Variants in KIAA1217 observed in about 807,000 individuals in gnomAD.
KIAA1217 encodes KIAA1217.
Under a neutral mutation model 163.9 loss-of-function variants are expected in KIAA1217, and 88 were observed. That is an observed-to-expected ratio of 0.54 (90% CI 0.45 to 0.64). KIAA1217 has a LOEUF of 0.64. Among genes scored for constraint, KIAA1217 ranks in the 30% least tolerant of loss-of-function variants. KIAA1217 has a pLI of 0.00. For missense variants in KIAA1217, 2,372 were observed against 2,475.0 expected (o/e 0.96, Z 0.88); for synonymous variants, 903 against 923.1 (o/e 0.98, Z 0.39).
At chr10:24,316,457 CA>C (rs1284803106) in intron 2 of KIAA1217, among the ~76,000 whole-genome samples, 1 of 152,158 alleles carries the variant, frequency 6.6e-6, no homozygotes, top group Non-Finnish European at 1.5e-5. Context: ...TTCATCATTT[CA>C]AAGTATTAAG....
At chr10:24,477,795 T>A (rs745845044) in intron 6 of KIAA1217, among the ~76,000 whole-genome samples, 44 of 152,130 alleles carry the variant, frequency 2.9e-4, no homozygotes, top group Non-Finnish European at 6.3e-4. Context: ...CAAAGAAAAA[T>A]GTTAAAAACA....
rs1176931618 is a variant in KIAA1217 at position 24,536,757 on chromosome 10, G to A, written c.3415-17G>A. Reference sequence around the variant, plus strand: ...TACCCTTGGATCCCTGTTAACCTCAGTATTTTAATTCCTTAGGCATTCCAG... The same window carrying A: ...TACCCTTGGATCCCTGTTAACCTCAATATTTTAATTCCTTAGGCATTCCAG... On this transcript the variant is annotated splice_polypyrimidine_tract_variant and intron_variant, in intron 16 of 20. Transcript: ENST00000376454. 11 of 1,612,360 alleles carry A rather than the reference G, an allele frequency of 6.8e-6. No individual in the cohort carries two copies. Among genetic ancestry groups the A allele is most frequent in the South Asian group, 3.3e-5 (3 of 90,914 alleles).
rs537452209 is a variant in KIAA1217, at chr10:23,923,905, T to A, written c.-320-83320T>A. 4.6e-5 allele frequency among the ~76,000 whole-genome samples: 7 copies of A among 152,342 alleles called. No homozygotes were observed. The South Asian group carries it at 1.4e-3, about 32-fold the overall frequency. ...TTCCAATGGCAGTGGCATTTGGAAGTGAAATTTAAAATGTAGGATTAGGAA... is the reference window on the plus strand; with the variant it reads ...TTCCAATGGCAGTGGCATTTGGAAGAGAAATTTAAAATGTAGGATTAGGAA... On this transcript the variant is annotated intron_variant, in intron 1 of 18. Transcript: ENST00000376462.
chr10:24,302,450 C>G (rs545467394), intron 2 of KIAA1217, among the ~76,000 whole-genome samples: 4 of 152,290 alleles, frequency 2.6e-5, no homozygotes, highest in African/African-American at 9.6e-5. Flanking sequence ...TAATGTGTTG[C>G]TCTTTTATGA....
At chr10:23,965,065 C>T (rs1448410332) in intron 1 of KIAA1217, among the ~76,000 whole-genome samples, 5 of 152,226 alleles carry the variant, frequency 3.3e-5, no homozygotes, top group Admixed American at 6.5e-5. Context: ...CAAACTATCA[C>T]TGTGGAGTTG....
rs1841351764 is a variant in KIAA1217 at position 23,889,939 on chromosome 10, A to G, written c.-320-117286A>G. On this transcript the variant is annotated intron_variant, in intron 1 of 18. Coordinates refer to the KIAA1217 transcript ENST00000376462. The stretch of plus-strand genomic sequence containing the variant: ...CTCTGTAAACAGAAGACAATGTCAT[A>G]TCTTTAGCAGGTTGTAGGTTAACCC... Among the ~76,000 whole-genome samples the G allele has an allele frequency of 2.6e-5, 4 of 151,822 alleles. No homozygotes were observed. In the South Asian group the frequency reaches 8.3e-4, roughly 31 times the overall value.
At chr10:24,298,704 A>G (rs2040922899) in intron 2 of KIAA1217, among the ~76,000 whole-genome samples, 1 of 152,212 alleles carries the variant, frequency 6.6e-6, no homozygotes, top group South Asian at 2.1e-4. Flanking sequence ...AGGCTGAGGC[A>G]GGAGAATCAC....
intron 2 of KIAA1217, among the ~76,000 whole-genome samples, chr10:24,246,841 C>T (rs1342361409): frequency 4.6e-5 from 7 of 152,134 alleles, no homozygotes; most frequent in East Asian, 3.9e-4. Flanking sequence ...TGGCGAAACC[C>T]GATCTCTACT....
At chr10:24,542,000 G>A (rs144868828) in intron 17 of KIAA1217, among the ~76,000 whole-genome samples, 209 of 152,310 alleles carry the variant, frequency 1.4e-3, no homozygotes, top group African/African-American at 4.8e-3. Flanking sequence ...TTTGGTCATC[G>A]TGGCTATGAG....
rs540988221 is a variant in KIAA1217, at chr10:23,840,090, C to G, written c.-321+144856C>G. On this transcript the variant is annotated intron_variant, in intron 1 of 18. Coordinates refer to the KIAA1217 transcript ENST00000376462. ...ATGTCCTCTCCTTAAGTTCTGTCCA[C>G]ATTTGGTTGGTATATCTGGTGTGCT... 1.8e-4 allele frequency among the ~76,000 whole-genome samples: 27 copies of G among 152,084 alleles called. 1 individual carries two copies. In the South Asian group the frequency reaches 5.4e-3, roughly 30 times the overall value.
At chr10:24,303,336 A>T (rs1429470217) in intron 2 of KIAA1217, among the ~76,000 whole-genome samples, 1 of 151,988 alleles carries the variant, frequency 6.6e-6, no homozygotes, top group Non-Finnish European at 1.5e-5. Context: ...GGTTTTAAAG[A>T]CTTATATACT....
At chr10:23,732,773 G>T (rs1355756386) in intron 1 of KIAA1217, among the ~76,000 whole-genome samples, 2 of 151,988 alleles carry the variant, frequency 1.3e-5, no homozygotes, top group African/African-American at 2.4e-5. Context: ...TGTATTCAGT[G>T]CTATAAAGTT....
chr10:24,475,211 C>T (rs184849920), intron 6 of KIAA1217, among the ~76,000 whole-genome samples: 1 of 152,226 alleles, frequency 6.6e-6, no homozygotes, highest in East Asian at 1.9e-4. Flanking sequence ...AAGAGCAAGA[C>T]TTCATCTCAA....
At chr10:24,100,745 A>G (rs2062380817) in intron 2 of KIAA1217, among the ~76,000 whole-genome samples, 1 of 152,120 alleles carries the variant, frequency 6.6e-6, no homozygotes, top group African/African-American at 2.4e-5. Flanking sequence ...TTCTAGTATG[A>G]CTGCAGTTTT....
intron 5 of KIAA1217, among the ~76,000 whole-genome samples, chr10:24,447,032 C>A (rs904121701): frequency 6.6e-6 from 1 of 152,052 alleles, no homozygotes; most frequent in African/African-American, 2.4e-5. Flanking sequence ...AACCCAGAAG[C>A]CACTCTCTTC....
At chr10:24,119,439 T>A (rs988875845) in intron 2 of KIAA1217, among the ~76,000 whole-genome samples, 4 of 152,140 alleles carry the variant, frequency 2.6e-5, no homozygotes, top group Non-Finnish European at 4.4e-5. Context: ...ATATTGCAAA[T>A]GTGTAAAAAT....
chr10:24,209,473 AGC>A (rs2067796391), intron 1 of KIAA1217, among the ~76,000 whole-genome samples: 1 of 152,192 alleles, frequency 6.6e-6, no homozygotes, highest in Admixed American at 6.5e-5. Flanking sequence ...TTTCTTAAGC[AGC>A]AAAAGAGGTG....
intron 2 of KIAA1217, among the ~76,000 whole-genome samples, chr10:24,256,073 G>A (rs1469579818): frequency 1.4e-5 from 2 of 140,684 alleles, no homozygotes; most frequent in Non-Finnish European, 3.1e-5. Context: ...AAAAAAAGCT[G>A]CTTTTCCCCT....
intron 6 of KIAA1217, among the ~76,000 whole-genome samples, chr10:24,489,813 A>C: frequency 7.4e-6 from 1 of 136,054 alleles, no homozygotes. Flanking sequence ...GCAGTGAGCT[A>C]TGATCATGCC....
Sources: gnomAD v4.1 joint callset for allele counts (sites outside exome capture counted in the v4.1 genomes callset) on GRCh38, gnomAD v4.1.1 for gene constraint, MANE v1.5 for transcripts, NCBI Gene and HGNC (gene_info 2026-07-23, HGNC 2026-07-21) for gene names.